The following PCDH15 variants were observed in gnomAD, a reference collection of about 807,000 sequenced individuals.
PCDH15 encodes protocadherin related 15, also known as protocadherin-15.
In PCDH15, 129 loss-of-function variants were observed where a neutral mutation model predicts 178.5. That is an observed-to-expected ratio of 0.72 (90% CI 0.63 to 0.84). The LOEUF is 0.84. Ranked by LOEUF, PCDH15 falls within the 40% of genes least tolerant of loss-of-function variation. The pLI is 0.00. For synonymous variants in PCDH15, 800 were observed against 732.0 expected, an observed-to-expected ratio of 1.09 and a Z score of -1.50; for missense variants, 2,230 against 2,099.9, an observed-to-expected ratio of 1.06 and a Z score of -1.21.
intron 30 of PCDH15, among the ~76,000 whole-genome samples, chr10:53,830,305 GA>G (rs34416053): frequency 0.5 from 69,259 of 139,896 alleles, 16,621 homozygotes; most frequent in East Asian, 0.84. Context: ...CCGTCTCCAG[GA>G]AAAAAAAAAA....
chr10:54,126,510 A>G (rs993567596), intron 15 of PCDH15, among the ~76,000 whole-genome samples: 3 of 152,060 alleles, frequency 2.0e-5, no homozygotes, highest in African/African-American at 7.2e-5. Flanking sequence ...ATATTTATTG[A>G]ATATATTCTT....
At chr10:54,792,684 G>C (rs1951536848) in intron 1 of PCDH15, among the ~76,000 whole-genome samples, 2 of 151,786 alleles carry the variant, frequency 1.3e-5, no homozygotes, top group Non-Finnish European at 2.9e-5. Context: ...TGGATCTCCA[G>C]CTTGCTGACT....
At chr10:54,900,279 A>G (rs1448869753) in intron 2 of PCDH15, among the ~76,000 whole-genome samples, 34 of 152,198 alleles carry the variant, frequency 2.2e-4, no homozygotes, top group Admixed American at 2.2e-3. Flanking sequence ...AGTAAATTAT[A>G]TATAATATTC....
chr10:53,858,628 G>A (rs1432120797), intron 27 of PCDH15, among the ~76,000 whole-genome samples: 2 of 152,160 alleles, frequency 1.3e-5, no homozygotes, highest in African/African-American at 4.8e-5. Flanking sequence ...TCTGAAGACT[G>A]TATTAAGACA....
chr10:54,143,890 A>G (rs557513967), intron 14 of PCDH15, among the ~76,000 whole-genome samples: 6 of 152,230 alleles, frequency 3.9e-5, no homozygotes, highest in Admixed American at 1.3e-4. Context: ...ATGGGACACA[A>G]TTGGAGGAAG....
At chr10:54,644,951 A>C (rs2094091594) in intron 2 of PCDH15, among the ~76,000 whole-genome samples, 1 of 152,154 alleles carries the variant, frequency 6.6e-6, no homozygotes, top group African/African-American at 2.4e-5. Context: ...TCTTTGAAAC[A>C]GAGGCCAGGT....
intron 3 of PCDH15, among the ~76,000 whole-genome samples, chr10:54,456,190 G>A (rs2136373009): frequency 6.6e-6 from 1 of 152,228 alleles, no homozygotes; most frequent in Admixed American, 6.5e-5. Context: ...TCCATCCACA[G>A]CTTGCACTGT....
chr10:54,521,041 A>T (rs1238825758), intron 3 of PCDH15, among the ~76,000 whole-genome samples: 2 of 125,940 alleles, frequency 1.6e-5, no homozygotes, highest in East Asian at 4.9e-4. Flanking sequence ...GAAGGGGAAC[A>T]TCACATTCTG....
chr10:54,112,572 C>A (rs1416220788), intron 15 of PCDH15, among the ~76,000 whole-genome samples: 1 of 152,138 alleles, frequency 6.6e-6, no homozygotes, highest in African/African-American at 2.4e-5. Context: ...TTGTAACCAA[C>A]CACTTGTTAC....
In PCDH15 at chr10:55,425,203, T is replaced by A. The variant is rs536785693; in HGVS notation, c.-156+202422A>T. ...TAAACTATTTAATAATACTTAATTA[T>A]AATTTATTATGTGACTCCATTATCA... On this transcript the variant is annotated intron_variant, in intron 2 of 5. Transcript: ENST00000613346. Among the ~76,000 whole-genome samples the A allele has an allele frequency of 3.3e-5, 5 of 152,028 alleles. No homozygotes were observed. In the South Asian group the frequency reaches 1.0e-3, roughly 32 times the overall value.
At chr10:55,478,869 T>C (rs566359869) in intron 2 of PCDH15, among the ~76,000 whole-genome samples, 1 of 149,798 alleles carries the variant, frequency 6.7e-6, no homozygotes, top group African/African-American at 2.4e-5. Flanking sequence ...CACCAACAAA[T>C]TGGAAAACCT....
chr10:54,354,854 T>C (rs1221850277), intron 5 of PCDH15, among the ~76,000 whole-genome samples: 2 of 152,056 alleles, frequency 1.3e-5, no homozygotes, highest in African/African-American at 2.4e-5. Flanking sequence ...GTTCAAAATA[T>C]ATGTATTAAA....
rs117356571 is a variant in PCDH15 at position 55,566,688 on chromosome 10, T to C, written c.-156+60937A>G. On this transcript the variant is annotated intron_variant, in intron 2 of 5. Transcript: ENST00000613346. The stretch of plus-strand genomic sequence containing the variant: ...ATTAATAAAATAATTTAATTTGCAA[T>C]AGCATCAAAAATATAAACTATTTTT... 8.6e-3 allele frequency among the ~76,000 whole-genome samples: 1,299 copies of C among 151,764 alleles called. 11 individuals are homozygous for C. Among genetic ancestry groups the C allele is most frequent in the Non-Finnish European group, 0.015 (1,002 of 67,788 alleles).
In PCDH15 at chr10:55,547,793, T is replaced by C. The variant is rs953195410; in HGVS notation, c.-156+79832A>G. On this transcript the variant is annotated intron_variant, in intron 2 of 5. Transcript: ENST00000613346. ...TCTAGCTCTCTTAAAATGTTCACTC[T>C]GAGGGAAGCCAGTCACCTTGTGTGT... Among the ~76,000 whole-genome samples the C allele has an allele frequency of 2.0e-5, 3 of 152,034 alleles. No homozygotes were observed. In the East Asian group the frequency reaches 5.8e-4, roughly 30 times the overall value.
At chr10:55,515,268 T>G (rs1840985824) in intron 2 of PCDH15, among the ~76,000 whole-genome samples, 1 of 151,984 alleles carries the variant, frequency 6.6e-6, no homozygotes. Context: ...CATGAGCCAC[T>G]GCGCGTGGCC....
At chr10:54,849,950 T>G (rs538189582) in intron 3 of PCDH15, among the ~76,000 whole-genome samples, 19 of 152,266 alleles carry the variant, frequency 1.2e-4, no homozygotes, top group African/African-American at 4.6e-4. Context: ...ACCTGATCTG[T>G]GTTAGGATAA....
chr10:54,333,067 T>C (rs566030264), intron 6 of PCDH15, among the ~76,000 whole-genome samples: 1 of 152,032 alleles, frequency 6.6e-6, no homozygotes, highest in Non-Finnish European at 1.5e-5. Context: ...CCTCAGCCTC[T>C]GAGTAGATAG....
intron 2 of PCDH15, among the ~76,000 whole-genome samples, chr10:54,559,870 A>AAAAG (rs2087849159): frequency 1.8e-5 from 1 of 54,324 alleles, no homozygotes; most frequent in Non-Finnish European, 5.4e-5. Flanking sequence ...AAAAAAAAAA[A>AAAAG]AAAAGAAAAG....
intron 15 of PCDH15, among the ~76,000 whole-genome samples, chr10:54,103,887 G>A (rs1251799223): frequency 6.6e-6 from 1 of 151,892 alleles, no homozygotes; most frequent in Non-Finnish European, 1.5e-5. Context: ...CCATTCCCAT[G>A]CCTGTTCTCC....
Sources: allele counts gnomAD v4.1 joint callset (sites outside exome capture counted in the v4.1 genomes callset), GRCh38; gene constraint gnomAD v4.1.1; transcripts MANE v1.5; gene names NCBI Gene and HGNC (gene_info 2026-07-23, HGNC 2026-07-21).